The following NAV1 variants were observed in gnomAD, a reference collection of about 807,000 sequenced individuals.
The protein encoded by NAV1 is neuron navigator 1.
In NAV1, 18 loss-of-function variants were observed where a neutral mutation model predicts 175.2. The observed-to-expected ratio is 0.10, with a 90% CI of 0.07 to 0.15. The LOEUF is 0.15. Ranked by LOEUF, NAV1 falls within the 10% of genes least tolerant of loss-of-function variation. The probability of loss-of-function intolerance (pLI) is 1.00; values close to 1 mark genes in which losing one functional copy is unlikely to be tolerated. For missense variants in NAV1, 1,731 were observed against 2,436.6 expected (o/e 0.71, Z 6.10); for synonymous variants, 897 against 978.7 (o/e 0.92, Z 1.56).
intron 2 of NAV1, among the ~76,000 whole-genome samples, chr1:201,715,355 T>G (rs1194381794): frequency 6.6e-6 from 1 of 152,114 alleles, no homozygotes; most frequent in Non-Finnish European, 1.5e-5. Context: ...AGATGGGGTT[T>G]CACCATGTTG....
At chr1:201,696,234 T>A (rs1261284596) in intron 1 of NAV1, among the ~76,000 whole-genome samples, 2 of 151,420 alleles carry the variant, frequency 1.3e-5, no homozygotes, top group Non-Finnish European at 1.5e-5. Context: ...GGAGAGGGAG[T>A]GGCCCTGAAG....
chr1:201,785,788 C>CTTTTTTTT lies in NAV1; in HGVS notation c.2846+452_2846+459dup, dbSNP rs34841837. Among the ~76,000 whole-genome samples, 14 of 99,534 alleles carry CTTTTTTTT rather than the reference C, an allele frequency of 1.4e-4. 1 individual carries two copies. Among genetic ancestry groups the CTTTTTTTT allele is most frequent in the Non-Finnish European group, 1.7e-4 (9 of 53,644 alleles). 65.3% of individuals were successfully genotyped at this position (99,534 alleles called of 152,430 possible). The stretch of plus-strand genomic sequence containing the variant: ...TTCAGTTGGGTGGCAACTATTGCAA[C>CTTTTTTTT]TTTTTTTTTTTTTTTTTTTTTTGAG... On this transcript the variant is annotated intron_variant, in intron 8 of 29. Coordinates refer to ENST00000367296, the Ensembl canonical transcript of NAV1.
chr1:201,802,153 AAATT>A (rs1464447311), intron 15 of NAV1, among the ~76,000 whole-genome samples: 2 of 139,134 alleles, frequency 1.4e-5, no homozygotes, highest in African/African-American at 5.0e-5. Flanking sequence ...AAAAAAAAAA[AAATT>A]AGCCGGGCGT....
At chr1:201,604,670 G>A (rs1200189713) in intron 2 of NAV1, among the ~76,000 whole-genome samples, 4 of 126,108 alleles carry the variant, frequency 3.2e-5, no homozygotes, top group African/African-American at 1.3e-4. Flanking sequence ...TGAAGAGCAA[G>A]ACTCTGTCAG....
chr1:201,756,879 T>C (rs1301314471), intron 3 of NAV1, among the ~76,000 whole-genome samples: 1 of 133,134 alleles, frequency 7.5e-6, no homozygotes, highest in Non-Finnish European at 1.6e-5. Flanking sequence ...TTTCTTTCTT[T>C]CTTTCTCTGT....
intron 3 of NAV1, among the ~76,000 whole-genome samples, chr1:201,769,706 A>C (rs1200362695): frequency 2.0e-5 from 3 of 152,198 alleles, no homozygotes; most frequent in African/African-American, 7.2e-5. Context: ...GGTATCCCCT[A>C]GGCTTCCAAT....
At chr1:201,757,104 G>GCAATCCCCATTAACTCTCTGTTCAA (rs1397103749) in intron 3 of NAV1, among the ~76,000 whole-genome samples, 4 of 152,030 alleles carry the variant, frequency 2.6e-5, no homozygotes, top group Non-Finnish European at 5.9e-5. Flanking sequence ...AGACAAAGAA[G>GCAATCCCCATTAACTCTCTGTTCAA]CAATCCCCAT....
rs1344210821 is a variant in NAV1, at chr1:201,789,864, G to C, written c.3219+72G>C. The C allele has an allele frequency of 6.8e-6, 10 of 1,468,490 alleles. No homozygotes were observed. The African/African-American group carries it at 1.3e-4, about 18-fold the overall frequency. 91.0% of individuals were successfully genotyped at this position (1,468,490 alleles called of 1,614,324 possible). On this transcript the variant is annotated intron_variant, in intron 11 of 29. Coordinates refer to ENST00000367296, the Ensembl canonical transcript of NAV1. ...ATCCCATGCTCCCTAGAACCTCCTT[G>C]GAGTTGGGTAACTGGGCGGGGGATG...
At chr1:201,755,559 A>G (rs1467047227) in intron 3 of NAV1, among the ~76,000 whole-genome samples, 3 of 152,252 alleles carry the variant, frequency 2.0e-5, no homozygotes, top group Admixed American at 6.5e-5. Context: ...GGCTATCAAC[A>G]TTGCTGCAGG....
At chr1:201,723,142 G>A (rs969101338) in intron 3 of NAV1, among the ~76,000 whole-genome samples, 10 of 152,188 alleles carry the variant, frequency 6.6e-5, no homozygotes, top group African/African-American at 1.9e-4. Flanking sequence ...TGATGGAGGC[G>A]AAGTGGTTAT....
chr1:201,784,472 CTTTTA>C (rs755686922), intron 7 of NAV1, among the ~76,000 whole-genome samples: 47 of 151,982 alleles, frequency 3.1e-4, no homozygotes, highest in Non-Finnish European at 5.3e-4. Context: ...AGAATCTTTT[CTTTTA>C]TATCACATCC....
At chr1:201,630,928 T>C (rs1435696323) in intron 2 of NAV1, among the ~76,000 whole-genome samples, 2 of 152,236 alleles carry the variant, frequency 1.3e-5, no homozygotes, top group Non-Finnish European at 2.9e-5. Context: ...TCACGATTAT[T>C]ATCCGATGAG....
intron 15 of NAV1, chr1:201,794,809 G>T: frequency 3.7e-6 from 2 of 536,014 alleles, no homozygotes; most frequent in South Asian, 2.2e-5. Context: ...AGCCCCAGGG[G>T]TCCTCTCCTT....
chr1:201,628,789 G>A (rs1668408466), intron 1 of NAV1, among the ~76,000 whole-genome samples: 1 of 152,202 alleles, frequency 6.6e-6, no homozygotes, highest in Admixed American at 6.5e-5. Context: ...TGTGCACTTG[G>A]GAGCTGGTGC....
intron 17 of NAV1, 66 bp downstream of exon 21, chr1:201,804,563 A>AGC: frequency 1.2e-6 from 1 of 840,398 alleles, no homozygotes; most frequent in Non-Finnish European, 1.8e-6. Context: ...CTATTTCCAG[A>AGC]GCAACTCCCT....
At chr1:201,579,857 T>C (rs976679459) in intron 1 of NAV1, among the ~76,000 whole-genome samples, 2 of 152,148 alleles carry the variant, frequency 1.3e-5, no homozygotes, top group African/African-American at 4.8e-5. Context: ...GCTCATGTGA[T>C]TTTGGAGGCT....
chr1:201,739,062 G>T (rs535501575), intron 3 of NAV1, among the ~76,000 whole-genome samples: 6 of 152,130 alleles, frequency 3.9e-5, no homozygotes, highest in African/African-American at 9.7e-5. Flanking sequence ...GGACCCTCAG[G>T]GGGGAGGAAC....
chr1:201,688,447 G>C (rs1670768226), intron 1 of NAV1: 1 of 152,168 alleles, frequency 6.6e-6, no homozygotes, highest in Non-Finnish European at 1.5e-5. Flanking sequence ...GATGATCTGG[G>C]ATATTAGAAA....
chr1:201,708,236 G>C (rs961627150), intron 1 of NAV1, among the ~76,000 whole-genome samples: 2 of 142,922 alleles, frequency 1.4e-5, no homozygotes, highest in Non-Finnish European at 3.1e-5. Context: ...AATTGCCGTG[G>C]TGATGGCTGG....
Sources: gnomAD v4.1 joint callset for allele counts (sites outside exome capture counted in the v4.1 genomes callset) on GRCh38, gnomAD v4.1.1 for gene constraint, MANE v1.5 for transcripts, NCBI Gene and HGNC (gene_info 2026-07-23, HGNC 2026-07-21) for gene names.